The following DSC1 variants were observed in gnomAD, a reference collection of about 807,000 sequenced individuals.
The protein encoded by DSC1 is desmocollin-1.
DSC1 carries 79 observed loss-of-function variants against 98.8 expected under a neutral mutation model. The ratio of observed to expected loss-of-function variants is 0.80; its 90% CI spans 0.67 to 0.96. The LOEUF (loss-of-function observed/expected upper bound fraction) is 0.96, where lower values mean the gene tolerates loss of function less well. Ranked by LOEUF, DSC1 falls within the 50% of genes least tolerant of loss-of-function variation. DSC1 has a pLI of 0.00. For missense variants in DSC1, 1,115 were observed against 1,075.9 expected (o/e 1.04, Z -0.51); for synonymous variants, 405 against 372.1 (o/e 1.09, Z -1.02).
intron 11 of DSC1, among the ~76,000 whole-genome samples, chr18:31,137,525 T>C (rs1173073016): frequency 6.6e-6 from 1 of 152,142 alleles, no homozygotes; most frequent in Non-Finnish European, 1.5e-5. Flanking sequence ...TATACCACAT[T>C]TTCTGCCAGA....
chr18:31,152,370 T>C (rs1989018127), intron 5 of DSC1, among the ~76,000 whole-genome samples: 1 of 152,136 alleles, frequency 6.6e-6, no homozygotes, highest in African/African-American at 2.4e-5. Flanking sequence ...ATTCTTTGAA[T>C]ATGTATTGAA....
intron 5 of DSC1, among the ~76,000 whole-genome samples, chr18:31,153,123 C>A (rs960141576): frequency 5.9e-5 from 9 of 151,958 alleles, no homozygotes; most frequent in African/African-American, 2.2e-4. Context: ...TAATTATAAA[C>A]TGTTCTCTCC....
At chr18:31,157,702 C>T in intron 2 of DSC1, 129 bp from the exon 3 acceptor site, 1 of 879,502 alleles carries the variant, frequency 1.1e-6, no homozygotes, top group Non-Finnish European at 1.8e-6. Context: ...ATGTGCTCAG[C>T]ACCTGCTATT....
At chr18:31,156,931 G>A (rs1199957786) in intron 3 of DSC1, among the ~76,000 whole-genome samples, 1 of 152,170 alleles carries the variant, frequency 6.6e-6, no homozygotes, top group Non-Finnish European at 1.5e-5. Context: ...ATTCTAGTAA[G>A]ATGGGAGTAA....
chr18:31,143,786 A>T lies in DSC1; in HGVS notation c.945T>A (p.Cys315Ter). 1 of 1,557,078 alleles carries T rather than the reference A, an allele frequency of 6.4e-7. No homozygotes were observed. The highest frequency in any genetic ancestry group is 8.7e-7 in the Non-Finnish European group (1 of 1,155,678). ...TTTPFLDREK[C>*]DTYQLIMEVR... ...CTTCCATTATTAACTGGTAAGTATCACATTTCTGAAAAAAAGGAAAAAACT... is the reference window on the plus strand; with the variant it reads ...CTTCCATTATTAACTGGTAAGTATCTCATTTCTGAAAAAAAGGAAAAAACT... Residue 315 changes from cysteine to a stop codon, truncating the protein, a stop_gained, in exon 8 of 16, where the codon TGT becomes TGA. Coordinates refer to ENST00000257198, the MANE Select transcript of DSC1 (RefSeq NM_024421.2). LOFTEE classifies it high-confidence loss of function.
At chr18:31,132,833 T>C in intron 13 of DSC1, 144 bp from the exon 14 acceptor site, 2 of 714,240 alleles carry the variant, frequency 2.8e-6, no homozygotes, top group Non-Finnish European at 4.4e-6. Context: ...ACAGAATATT[T>C]TAAAAATGTA....
chr18:31,156,625 T>C (rs1282354401), intron 3 of DSC1, among the ~76,000 whole-genome samples: 2 of 152,212 alleles, frequency 1.3e-5, no homozygotes, highest in African/African-American at 4.8e-5. Flanking sequence ...GGATATAAAA[T>C]AACATTTTTA....
chr18:31,140,633 A>G (rs1988714178), intron 9 of DSC1, among the ~76,000 whole-genome samples: 1 of 152,206 alleles, frequency 6.6e-6, no homozygotes, highest in African/African-American at 2.4e-5. Context: ...ATTATATGGG[A>G]TAACAGTGAC....
intron 11 of DSC1, 114 bp from the exon 12 acceptor site, chr18:31,134,898 G>T (rs111502830): frequency 4.3e-6 from 4 of 939,930 alleles, no homozygotes; most frequent in Admixed American, 2.6e-5. Context: ...GCTTGAGTTC[G>T]CATACATGCT....
At chr18:31,145,112 T>A (rs1382310444) in intron 7 of DSC1, among the ~76,000 whole-genome samples, 1 of 151,836 alleles carries the variant, frequency 6.6e-6, no homozygotes, top group African/African-American at 2.4e-5. Flanking sequence ...GCTAATTTCT[T>A]TGGATTTTTT....
At chr18:31,146,538 G>A (rs972789339) in intron 6 of DSC1, among the ~76,000 whole-genome samples, 1 of 152,152 alleles carries the variant, frequency 6.6e-6, no homozygotes, top group Admixed American at 6.5e-5. Context: ...GAATGGTGTG[G>A]CAACAAACAT....
intron 14 of DSC1, chr18:31,132,262 A>G (rs1988510384): frequency 8.5e-6 from 3 of 352,014 alleles, no homozygotes; most frequent in African/African-American, 4.2e-5. Context: ...AGAGTCCTGG[A>G]ACAGATCCCT....
intron 5 of DSC1, among the ~76,000 whole-genome samples, chr18:31,154,437 T>C (rs1200926338): frequency 6.6e-6 from 1 of 152,170 alleles, no homozygotes; most frequent in East Asian, 1.9e-4. Context: ...ACATGACTTA[T>C]AATGTACAGC....
intron 14 of DSC1, 199 bp from the exon 15 acceptor site, chr18:31,132,041 C>G (rs1275146388): frequency 1.6e-6 from 1 of 621,018 alleles, no homozygotes; most frequent in Non-Finnish European, 2.8e-6. Context: ...CCCTCAGTAA[C>G]TCAGAATGTG....
chr18:31,130,869 G>T, intron 15 of DSC1, 158 bp from the exon 16 acceptor site: 2 of 1,574,622 alleles, frequency 1.3e-6, no homozygotes, highest in Non-Finnish European at 1.7e-6. Context: ...GGATTGGTCT[G>T]TATTATAGTC....
chr18:31,145,587 A>G lies in DSC1; in HGVS notation c.939+24T>C, dbSNP rs199614649. 1.9e-6 allele frequency: 3 copies of G among 1,611,720 alleles called. No individual in the cohort carries two copies. In the Admixed American group the frequency reaches 5.0e-5, roughly 27 times the overall value. Reference sequence around the variant, plus strand: ...TCAGTTTAAATGTAGTTCAATGACTAGATAGTTAATTAATCATCATTACTT... The same window carrying G: ...TCAGTTTAAATGTAGTTCAATGACTGGATAGTTAATTAATCATCATTACTT... On this transcript the variant is annotated intron_variant, in intron 7 of 15. Coordinates refer to ENST00000257198, the MANE Select transcript of DSC1 (RefSeq NM_024421.2).
rs531437430 is a variant in DSC1, at chr18:31,157,815, T to C, written c.149-242A>G. On this transcript the variant is annotated intron_variant, in intron 2 of 15. Transcript: ENST00000257198. ...TTTGAGAAATAAAATATTTTCCTAG[T>C]GTCACTGATTTTATTCTCTTTTCTT... 1.4e-4 allele frequency among the ~76,000 whole-genome samples: 21 copies of C among 152,340 alleles called. No homozygotes were observed. The East Asian group carries it at 4.0e-3, about 29-fold the overall frequency.
At chr18:31,131,965 A>G (rs915974489) in intron 14 of DSC1, 123 bp from the exon 15 acceptor site, 10 of 1,140,678 alleles carry the variant, frequency 8.8e-6, no homozygotes, top group Non-Finnish European at 6.2e-6. Context: ...CATACATAAA[A>G]TCAGAATAAT....
Position 31,142,038 on chromosome 18 carries a change from T to C in DSC1, c.1221A>G (p.Thr407=), listed in dbSNP as rs202140427. ...GCACTCCTTCATTTGTATTTGGATC[T>C]GTGCTAATTATGAAGTTTCCATTTT... is the stretch of plus-strand genomic sequence containing the variant. The part of the protein sequence containing the change: ...GNENGNFIIS[T]DPNTNEGVLC... The change falls in exon 9 of 16, where the codon ACA becomes ACG. Residue 407 remains threonine (T), a synonymous_variant. Transcript: ENST00000257198. 4 of 1,611,158 alleles carry C rather than the reference T, an allele frequency of 2.5e-6. No homozygotes were observed. Among genetic ancestry groups the C allele is most frequent in the Non-Finnish European group, 3.4e-6 (4 of 1,179,324 alleles).
Sources: gnomAD v4.1 joint callset for allele counts (sites outside exome capture counted in the v4.1 genomes callset) on GRCh38, gnomAD v4.1.1 for gene constraint, MANE v1.5 for transcripts, NCBI Gene and HGNC (gene_info 2026-07-23, HGNC 2026-07-21) for gene names.